ALDH9A1: variants seen among roughly 807,000 people sequenced by gnomAD.
ALDH9A1 encodes the protein 4-trimethylaminobutyraldehyde dehydrogenase.
Under a neutral mutation model 56.6 loss-of-function variants are expected in ALDH9A1, and 42 were observed. That is an observed-to-expected ratio of 0.74 (90% CI 0.58 to 0.96). The LOEUF is 0.96. Among genes scored for constraint, ALDH9A1 ranks in the 40% least tolerant of loss-of-function variants. The pLI, the probability that ALDH9A1 is intolerant of heterozygous loss-of-function variation, is 0.00. For synonymous variants in ALDH9A1, 242 were observed against 236.0 expected (o/e 1.03, Z -0.23); for missense variants, 661 against 651.5 (o/e 1.01, Z -0.16).
chr1:165,662,808 G>T lies in ALDH9A1; in HGVS notation c.*242C>A, dbSNP rs74365740. On this transcript the variant is annotated 3_prime_UTR_variant, in exon 11 of 11. Coordinates refer to ENST00000354775, the MANE Select transcript of ALDH9A1 (RefSeq NM_000696.4). ...AGAAGTATGTTACTGGCTCTTAAAA[G>T]ATTTCACAAAAATACGCTTTGAGGA... is the stretch of plus-strand genomic sequence containing the variant. 994 of 487,884 alleles carry T rather than the reference G, an allele frequency of 2.0e-3. 7 individuals carry two copies. The highest frequency in any genetic ancestry group is 0.018 in the African/African-American group (909 of 51,362). 30.2% of individuals were successfully genotyped at this position (487,884 alleles called of 1,614,324 possible).
intron 2 of ALDH9A1, among the ~76,000 whole-genome samples, chr1:165,684,102 G>T (rs1431655661): frequency 2.0e-5 from 3 of 152,056 alleles, no homozygotes; most frequent in Non-Finnish European, 2.9e-5. Context: ...GATGAAAGTA[G>T]GAATATGAAA....
At chr1:165,683,242 A>G in intron 2 of ALDH9A1, 132 bp from the exon 3 acceptor site, 3 of 972,508 alleles carry the variant, frequency 3.1e-6, no homozygotes, top group Non-Finnish European at 4.7e-6. Context: ...AAGAAATGGC[A>G]GTGTTACATT....
chr1:165,667,271 C>A (rs1649036221), intron 9 of ALDH9A1, 38 bp downstream of exon 9: 1 of 1,612,592 alleles, frequency 6.2e-7, no homozygotes, highest in South Asian at 1.1e-5. Flanking sequence ...TGCAGCCCCG[C>A]TCCTTCAAAA....
chr1:165,688,780 T>C (rs973838367), intron 2 of ALDH9A1, among the ~76,000 whole-genome samples: 2 of 152,136 alleles, frequency 1.3e-5, no homozygotes, highest in African/African-American at 2.4e-5. Context: ...CTAATATGAT[T>C]GTAGGTGTGG....
intron 6 of ALDH9A1, among the ~76,000 whole-genome samples, chr1:165,670,159 G>A (rs572328175): frequency 9.9e-5 from 15 of 152,262 alleles, no homozygotes; most frequent in South Asian, 8.3e-4. Context: ...AAATCAGGGC[G>A]CAGTGGCTCA....
chr1:165,697,394 C>G (rs550904044), intron 1 of ALDH9A1, among the ~76,000 whole-genome samples: 1 of 152,144 alleles, frequency 6.6e-6, no homozygotes, highest in African/African-American at 2.4e-5. Flanking sequence ...TTAGATTGAC[C>G]GTGGTAACCA....
intron 1 of ALDH9A1, among the ~76,000 whole-genome samples, chr1:165,696,525 C>CA (rs1182340433): frequency 2.0e-5 from 3 of 152,102 alleles, no homozygotes; most frequent in Admixed American, 2.0e-4. Context: ...AGTTAATAAG[C>CA]AGTAATATCA....
At chr1:165,680,105 A>T (rs1326982550) in intron 5 of ALDH9A1, among the ~76,000 whole-genome samples, 1 of 152,248 alleles carries the variant, frequency 6.6e-6, no homozygotes, top group African/African-American at 2.4e-5. Flanking sequence ...AGGCTGACAG[A>T]GTTCAGAACA....
At chr1:165,695,989 T>A (rs930632552) in intron 1 of ALDH9A1, among the ~76,000 whole-genome samples, 6 of 152,078 alleles carry the variant, frequency 3.9e-5, no homozygotes, top group Admixed American at 1.3e-4. Context: ...GTAGCTGGGA[T>A]TACAGGCGCC....
chr1:165,674,663 G>A (rs918792107), intron 6 of ALDH9A1, among the ~76,000 whole-genome samples: 3 of 136,288 alleles, frequency 2.2e-5, no homozygotes, highest in African/African-American at 8.4e-5. Flanking sequence ...TCCAGCCTGG[G>A]CAACTAAGTG....
Position 165,669,102 on chromosome 1 carries a change from T to C in ALDH9A1, c.1120-89A>G, listed in dbSNP as rs1223377538. ...GTTAATTGTATCCCGAACAAACACA[T>C]AGTCTTCCCAGTGCAGGTACAAAGC... is the stretch of plus-strand genomic sequence containing the variant. On this transcript the variant is annotated intron_variant, in intron 7 of 10. Transcript: ENST00000354775. 9.5e-6 allele frequency: 13 copies of C among 1,364,436 alleles called. No homozygotes were observed. In the East Asian group the frequency reaches 1.6e-4, roughly 17 times the overall value. The allele number at this position is 1,364,436 out of a possible 1,614,324, so 84.5% of individuals were successfully genotyped here. A position where few individuals can be genotyped will look rare whatever the true frequency, so the allele number is the denominator to read the frequency against.
At chr1:165,671,066 G>A (rs761118832) in intron 6 of ALDH9A1, among the ~76,000 whole-genome samples, 9 of 152,278 alleles carry the variant, frequency 5.9e-5, no homozygotes, top group East Asian at 1.9e-4. Context: ...GCGAGACTCC[G>A]TCTCAAAGAT....
intron 2 of ALDH9A1, among the ~76,000 whole-genome samples, chr1:165,690,281 TCA>T (rs908257952): frequency 5.9e-5 from 9 of 151,718 alleles, no homozygotes; most frequent in South Asian, 2.1e-4. Context: ...CTCAGACCCG[TCA>T]CAGTTTCTGA....
In ALDH9A1 at chr1:165,698,492, C is replaced by G. The variant is rs760298416; in HGVS notation, c.67G>C (p.Ala23Pro). 6.2e-7 allele frequency: 1 copy of G among 1,608,180 alleles called. No homozygotes were observed. Among genetic ancestry groups the G allele is most frequent in the Admixed American group, 1.7e-5 (1 of 59,466 alleles). Residue 23 changes from alanine (A) to proline (P), a missense_variant, in exon 1 of 11, where the codon GCC (alanine) becomes CCC (proline). Ala to Pro is a conservative substitution (Grantham distance 27, BLOSUM62 -1). Transcript: ENST00000354775. ...LLRSLRPSPV[A>P]AMSTGTFVVS... is the part of the protein sequence containing the mutation. ...ACGAAGGTGCCAGTGCTCATGGCGG[C>G]GACAGGAGAGGGCCGAAGACTGCGA...
chr1:165,694,167 C>T (rs1299674715), intron 2 of ALDH9A1, among the ~76,000 whole-genome samples: 2 of 147,900 alleles, frequency 1.4e-5, no homozygotes, highest in African/African-American at 2.5e-5. Context: ...ACCTATGTAT[C>T]AAACCTGCAC....
At chr1:165,688,185 C>T (rs1571182047) in intron 2 of ALDH9A1, among the ~76,000 whole-genome samples, 1 of 152,044 alleles carries the variant, frequency 6.6e-6, no homozygotes, top group African/African-American at 2.4e-5. Context: ...AGTGTGGTGA[C>T]ATGAGTCTGT....
At chr1:165,679,676 C>T in intron 5 of ALDH9A1, 94 bp from the exon 6 acceptor site, 1 of 1,331,362 alleles carries the variant, frequency 7.5e-7, no homozygotes, top group Non-Finnish European at 1.1e-6. Flanking sequence ...TCATCTTGAA[C>T]TGTTTGTGAC....
chr1:165,671,477 A>T, intron 6 of ALDH9A1: 1 of 447,334 alleles, frequency 2.2e-6, no homozygotes, highest in Non-Finnish European at 4.4e-6. Context: ...GATTTGTGAC[A>T]GGCAATAAAA....
At chr1:165,687,127 AACAC>A (rs1649733762) in intron 2 of ALDH9A1, among the ~76,000 whole-genome samples, 2 of 151,970 alleles carry the variant, frequency 1.3e-5, no homozygotes, top group South Asian at 4.2e-4. Flanking sequence ...CTGAAAACAA[AACAC>A]ACACACACAG....
Sources: allele counts gnomAD v4.1 joint callset (sites outside exome capture counted in the v4.1 genomes callset), GRCh38; gene constraint gnomAD v4.1.1; transcripts MANE v1.5; gene names NCBI Gene and HGNC (gene_info 2026-07-23, HGNC 2026-07-21).